PLCXD1: variants seen among roughly 807,000 people sequenced by gnomAD.
The protein encoded by PLCXD1 is PI-PLC X domain-containing protein 1.
Under a neutral mutation model 37.8 loss-of-function variants are expected in PLCXD1, and 45 were observed. The ratio of observed to expected loss-of-function variants is 1.19; its 90% confidence interval spans 0.94 to 1.53. The LOEUF (loss-of-function observed/expected upper bound fraction) is 1.53, where lower values mean the gene tolerates loss of function less well. Ranked by LOEUF, PLCXD1 falls within the 40% of genes most tolerant of loss-of-function variation. PLCXD1 has a pLI of 0.00. For synonymous variants in PLCXD1, 246 were observed against 206.9 expected (o/e 1.19, Z -1.62); for missense variants, 539 against 454.7 (o/e 1.19, Z -1.69).
chrX:280,353 GA>G (rs1385771604), upstream of PLCXD1, among the ~76,000 whole-genome samples: 11 of 85,760 alleles, frequency 1.3e-4, 1 homozygote, highest in Non-Finnish European at 2.3e-4. Context: ...CGTGCAGGGG[GA>G]AGGGGGGCCG....
Position 291,559 on chromosome X carries a change from G to A in PLCXD1, c.454G>A (p.Ala152Thr), listed in dbSNP as rs1447829869. The A allele has an allele frequency of 6.2e-7, 1 of 1,613,040 alleles. No homozygotes were observed. The highest frequency in any genetic ancestry group is 1.3e-5 in the African/African-American group (1 of 74,902). Residue 152 changes from alanine to threonine, a missense_variant, in exon 5 of 7, where the codon GCC becomes ACC. Coordinates refer to ENST00000381657, the MANE Select transcript of PLCXD1 (RefSeq NM_018390.4). ...ERHPREVVIL[A>T]CRNFEGLSED... ...GCATCCACGCGAGGTGGTCATCCTG[G>A]CCTGCAGAAACTTCGAGGGGCTGAG...
intron 6 of PLCXD1, among the ~76,000 whole-genome samples, chrX:295,568 C>T (rs181922913): frequency 0.015 from 2,228 of 151,560 alleles, 53 homozygotes; most frequent in African/African-American, 0.051. Flanking sequence ...CTTGTTGCCC[C>T]GGTCGGAGTG....
rs766367195 is a variant in PLCXD1, at chrX:299,437, G to T, written c.*102G>T. ...GCCAAATGTTGGTGATCATAGGACC[G>T]ATGATAATACGTTTTCATTTTCTTT... On this transcript the variant is annotated 3_prime_UTR_variant, in exon 7 of 7. Coordinates refer to ENST00000381657, the MANE Select transcript of PLCXD1 (RefSeq NM_018390.4). 8 of 856,344 alleles carry T rather than the reference G, an allele frequency of 9.3e-6. No individual in the cohort carries two copies. Among genetic ancestry groups the T allele is most frequent in the Non-Finnish European group, 7.9e-6 (4 of 506,548 alleles). The allele number at this position is 856,344 out of a possible 1,614,324, so 53.0% of individuals were successfully genotyped here.
chrX:296,145 G>C (rs2069800153), intron 6 of PLCXD1, among the ~76,000 whole-genome samples: 1 of 150,638 alleles, frequency 6.6e-6, no homozygotes, highest in African/African-American at 2.4e-5. Context: ...TTTTGAGACA[G>C]AGTCTTGCTC....
chrX:293,231 C>T lies in PLCXD1; in HGVS notation c.733+13C>T, dbSNP rs1341100455. ...TGCGGCCGCCCAGGTACCAGGTCGC[C>T]CCTCGTGGGGGTAGATTCCACACAG... On this transcript the variant is annotated intron_variant, in intron 6 of 6. Transcript: ENST00000381657. 8 of 1,602,642 alleles carry T rather than the reference C, an allele frequency of 5.0e-6. No individual in the cohort carries two copies. Among genetic ancestry groups the T allele is most frequent in the Non-Finnish European group, 6.8e-6 (8 of 1,172,790 alleles).
At chrX:291,942 T>C (rs1467569932) in intron 5 of PLCXD1, among the ~76,000 whole-genome samples, 109 of 126,672 alleles carry the variant, frequency 8.6e-4, no homozygotes, top group Middle Eastern at 0.011. Flanking sequence ...CCGAGGCGGG[T>C]GGATCACGAG....
In PLCXD1 at chrX:292,194, A is replaced by G. The variant is rs1021391285; in HGVS notation, c.549+540A>G. On this transcript the variant is annotated intron_variant, in intron 5 of 6. Transcript: ENST00000381657. ...GGGTGTGCCGGACGCAGTGGCTCAC[A>G]CCTGTCATCCCAGGACTTTGGGAGG... 4.6e-3 allele frequency among the ~76,000 whole-genome samples: 410 copies of G among 89,420 alleles called. 2 individuals carry two copies. The highest frequency in any genetic ancestry group is 5.7e-3 in the South Asian group (14 of 2,468). The allele number at this position is 89,420 out of a possible 152,430, so 58.7% of individuals were successfully genotyped here.
chrX:289,015 G>C (rs2069544922), intron 3 of PLCXD1, 146 bp downstream of exon 3: 1 of 737,106 alleles, frequency 1.4e-6, no homozygotes, highest in Non-Finnish European at 2.3e-6. Context: ...CAGCTGCGGA[G>C]ACAGGATTAA....
intron 2 of PLCXD1, among the ~76,000 whole-genome samples, 163 bp downstream of exon 2, chrX:284,477 A>G (rs1427406634): frequency 6.6e-6 from 1 of 151,670 alleles, no homozygotes; most frequent in Non-Finnish European, 1.5e-5. Flanking sequence ...ACACACATAC[A>G]CACAGTGCAC....
At chrX:298,805 TA>T (rs2069895742) in intron 6 of PLCXD1, among the ~76,000 whole-genome samples, 1 of 89,584 alleles carries the variant, frequency 1.1e-5, no homozygotes, top group South Asian at 3.3e-4. Context: ...ACATGGGGAT[TA>T]GGACGTGGAC....
Position 289,510 on chromosome X carries a change from C to CTTTTTTTTTT in PLCXD1, c.264+646_264+647insTTTTTTTTTT, listed in dbSNP as rs1281823641. ...AGAGACAACACCTTTCTTTTTCTTT[C>CTTTTTTTTTT]TTTTTCTTTTTTTTTTTTTTGAGAC... On this transcript the variant is annotated intron_variant, in intron 3 of 6. Transcript: ENST00000381657. Among the ~76,000 whole-genome samples the CTTTTTTTTTT allele has an allele frequency of 2.0e-5, 2 of 97,786 alleles. 1 individual carries two copies. The highest frequency in any genetic ancestry group is 4.1e-5 in the Non-Finnish European group (2 of 49,102). 64.2% of individuals were successfully genotyped at this position (97,786 alleles called of 152,430 possible).
upstream of PLCXD1, among the ~76,000 whole-genome samples, chrX:279,443 G>C (rs759051483): frequency 6.3e-4 from 96 of 152,308 alleles, no homozygotes; most frequent in African/African-American, 2.2e-3. Flanking sequence ...TCATAAGGTA[G>C]ATTTTAAAAT....
chrX:280,085 G>C (rs1170574435), upstream of PLCXD1, among the ~76,000 whole-genome samples: 1 of 152,196 alleles, frequency 6.6e-6, no homozygotes, highest in African/African-American at 2.4e-5. Flanking sequence ...CTGACCTCAG[G>C]TGATCCGCCC....
intron 1 of PLCXD1, chrX:283,489 G>A (rs1158402270): frequency 3.3e-5 from 5 of 152,318 alleles, no homozygotes; most frequent in African/African-American, 4.8e-5. Context: ...ATATGCAAAT[G>A]TAGGGCGCCA....
At position 301,393 on chromosome X, in the gene PLCXD1, C is replaced by T. The variant is rs28812611; in HGVS notation, c.*2058C>T. On this transcript the variant is annotated 3_prime_UTR_variant, in exon 7 of 7. Transcript: ENST00000381657. Reference sequence around the variant, plus strand: ...TCCTGGGCTCAACTGATCCTCCCACCTCAACCTCTGCCATAGCCAGGACCT... The same window carrying T: ...TCCTGGGCTCAACTGATCCTCCCACTTCAACCTCTGCCATAGCCAGGACCT... The T allele has an allele frequency of 0.11, 16,308 of 152,018 alleles. 2,266 individuals are homozygous for T. Among genetic ancestry groups the T allele is most frequent in the African/African-American group, 0.32 (13,374 of 41,292 alleles). 9.4% of individuals were successfully genotyped at this position (152,018 alleles called of 1,614,324 possible). A position where few individuals can be genotyped will look rare whatever the true frequency, so the allele number is the denominator to read the frequency against.
intron 2 of PLCXD1, among the ~76,000 whole-genome samples, chrX:285,003 T>C (rs1477258485): frequency 1.3e-5 from 2 of 152,084 alleles, no homozygotes; most frequent in Non-Finnish European, 2.9e-5. Flanking sequence ...ATGGGAATTA[T>C]GGGAGCTACA....
At chrX:276,918 C>T (rs1220346177), upstream of PLCXD1, among the ~76,000 whole-genome samples, 1 of 152,314 alleles carries the variant, frequency 6.6e-6, no homozygotes, top group East Asian at 1.9e-4. Flanking sequence ...ACGTGAGTCT[C>T]CCGAGGACTC....
chrX:286,540 G>A (rs936040837), intron 2 of PLCXD1, among the ~76,000 whole-genome samples: 13 of 152,024 alleles, frequency 8.6e-5, no homozygotes, highest in Admixed American at 5.3e-4. Context: ...CTTAAGAGCC[G>A]AGCTCCTTAA....
At chrX:286,986 C>T (rs985368478) in intron 2 of PLCXD1, among the ~76,000 whole-genome samples, 2 of 151,602 alleles carry the variant, frequency 1.3e-5, no homozygotes, top group Non-Finnish European at 1.5e-5. Flanking sequence ...AGGGGGTCCA[C>T]GTTCCTCAGA....
Sources: allele counts gnomAD v4.1 joint callset (sites outside exome capture counted in the v4.1 genomes callset), GRCh38; gene constraint gnomAD v4.1.1; transcripts MANE v1.5; gene names NCBI Gene and HGNC (gene_info 2026-07-23, HGNC 2026-07-21).